The following UXS1 variants were observed in gnomAD, a reference collection of about 807,000 sequenced individuals.
UXS1 encodes UDP-glucuronate decarboxylase 1.
A neutral mutation model predicts 62.6 loss-of-function variants in UXS1; 33 were observed. The ratio of observed to expected loss-of-function variants is 0.53; its 90% confidence interval spans 0.40 to 0.70. The LOEUF (loss-of-function observed/expected upper bound fraction) is 0.70. Among genes scored for constraint, UXS1 ranks in the 30% least tolerant of loss-of-function variants. The pLI, the probability that UXS1 is intolerant of heterozygous loss-of-function variation, is 0.00. For missense variants in UXS1, 434 were observed against 556.3 expected (o/e 0.78, Z 2.21); for synonymous variants, 213 against 206.8 (o/e 1.03, Z -0.26).
intron 1 of UXS1, among the ~76,000 whole-genome samples, chr2:106,181,657 A>C (rs560470759): frequency 6.6e-6 from 1 of 152,192 alleles, no homozygotes; most frequent in South Asian, 2.1e-4. Flanking sequence ...GGCAGGTTGC[A>C]GTGAGCCAAT....
In UXS1 at chr2:106,101,099, C is replaced by A. The variant is rs771016006; in HGVS notation, c.943G>T (p.Val315Leu). 2 of 1,613,736 alleles carry A rather than the reference C, an allele frequency of 1.2e-6. No individual in the cohort carries two copies. The highest frequency in any genetic ancestry group is 2.2e-5 in the East Asian group (1 of 44,876). ...QYVSDLVNGL[V>L]ALMNSNVSSP... ...CTGACGTTGCTGTTCATGAGAGCCA[C>A]GAGGCCATTCACTAGATCGCTGGAA... The change falls in exon 12 of 15, where the codon GTG (valine) becomes TTG (leucine). Residue 315 changes from valine to leucine, a missense_variant. This residue lies in a region of UXS1 where 209 missense variants were observed against 233.3 expected (regional missense o/e 0.90). Transcript: ENST00000283148.
At chr2:106,115,595 A>C (rs1432099503) in intron 9 of UXS1, among the ~76,000 whole-genome samples, 1 of 152,138 alleles carries the variant, frequency 6.6e-6, no homozygotes, top group East Asian at 1.9e-4. Context: ...GAACCAATGG[A>C]AACTTAGGAT....
At chr2:106,143,535 C>T (rs1303098012) in intron 6 of UXS1, among the ~76,000 whole-genome samples, 1 of 149,276 alleles carries the variant, frequency 6.7e-6, no homozygotes, top group African/African-American at 2.5e-5. Context: ...TTTAGAGGCT[C>T]AAAAAATATC....
At chr2:106,130,017 C>T (rs1014099356) in intron 6 of UXS1, among the ~76,000 whole-genome samples, 2 of 152,082 alleles carry the variant, frequency 1.3e-5, no homozygotes, top group African/African-American at 4.8e-5. Flanking sequence ...TCTCGTGTAA[C>T]CAGAGTCAAT....
chr2:106,183,466 T>C (rs1684374047), intron 1 of UXS1: 1 of 152,272 alleles, frequency 6.6e-6, no homozygotes, highest in South Asian at 2.1e-4. Context: ...AAACGTTTTC[T>C]GCTGTTGCTT....
intron 10 of UXS1, among the ~76,000 whole-genome samples, chr2:106,110,083 A>T (rs992275209): frequency 3.9e-5 from 6 of 152,204 alleles, no homozygotes; most frequent in Admixed American, 2.0e-4. Flanking sequence ...TTGGACAGAA[A>T]AGAATGAAGT....
chr2:106,104,857 T>C lies in UXS1; in HGVS notation c.880-20A>G. ...GTATACCTGGAAGGAAACCAACAGTTAGGCCTCCTGATAAAACCACACCCG... is the reference window on the plus strand; with the variant it reads ...GTATACCTGGAAGGAAACCAACAGTCAGGCCTCCTGATAAAACCACACCCG... On this transcript the variant is annotated intron_variant, in intron 10 of 14. Coordinates refer to ENST00000283148, the MANE Select transcript of UXS1 (RefSeq NM_001253875.2). The C allele has an allele frequency of 1.9e-6, 3 of 1,613,928 alleles. No homozygotes were observed. The highest frequency in any genetic ancestry group is 1.7e-6 in the Non-Finnish European group (2 of 1,179,862).
At chr2:106,169,046 T>C (rs905139750) in intron 1 of UXS1, among the ~76,000 whole-genome samples, 2 of 152,200 alleles carry the variant, frequency 1.3e-5, no homozygotes, top group Admixed American at 6.5e-5. Context: ...AAACTCTATG[T>C]CCTTGTTGTC....
Position 106,131,060 on chromosome 2 carries a change from G to A in UXS1, c.473-1282C>T, listed in dbSNP as rs867078359. 6.2e-3 allele frequency among the ~76,000 whole-genome samples: 929 copies of A among 150,470 alleles called. 6 individuals are homozygous for A. Among genetic ancestry groups the A allele is most frequent in the African/African-American group, 0.021 (868 of 41,032 alleles). The stretch of plus-strand genomic sequence containing the variant: ...GCCAGTGTGTGCGCGCACCGTGCGC[G>A]AGCCGAAGCAGGGCGAGGCATTGCC... On this transcript the variant is annotated intron_variant, in intron 6 of 14. Coordinates refer to ENST00000283148, the MANE Select transcript of UXS1 (RefSeq NM_001253875.2).
chr2:106,161,116 A>G (rs977195514), intron 4 of UXS1, among the ~76,000 whole-genome samples: 2 of 115,358 alleles, frequency 1.7e-5, no homozygotes, highest in African/African-American at 6.6e-5. Flanking sequence ...GCTGGGCCAC[A>G]TGCTGAGCCA....
chr2:106,168,167 C>CA (rs1468543517), intron 1 of UXS1, among the ~76,000 whole-genome samples: 2 of 151,832 alleles, frequency 1.3e-5, no homozygotes, highest in African/African-American at 4.8e-5. Context: ...GTCTCAAGAA[C>CA]AAAAAAGATA....
chr2:106,122,165 C>A (rs530435472), intron 9 of UXS1, among the ~76,000 whole-genome samples: 1 of 152,328 alleles, frequency 6.6e-6, no homozygotes, highest in African/African-American at 2.4e-5. Flanking sequence ...CCTGGACCAA[C>A]GTTCCACAGC....
At chr2:106,120,987 C>T (rs966841066) in intron 9 of UXS1, among the ~76,000 whole-genome samples, 10 of 152,188 alleles carry the variant, frequency 6.6e-5, no homozygotes, top group Admixed American at 2.0e-4. Context: ...ACGCTGCCCA[C>T]GCCATTAAGC....
chr2:106,192,662 G>C (rs1416016275), intron 1 of UXS1, among the ~76,000 whole-genome samples: 1 of 152,050 alleles, frequency 6.6e-6, no homozygotes, highest in Non-Finnish European at 1.5e-5. Context: ...TGAAACTGCT[G>C]TTCGAAGACC....
At chr2:106,103,023 A>G (rs1489648464) in intron 11 of UXS1, 1 of 152,260 alleles carries the variant, frequency 6.6e-6, no homozygotes, top group Non-Finnish European at 1.5e-5. Context: ...CCCTCTTTTC[A>G]AGTAGTCAAG....
chr2:106,186,148 G>A (rs11124089), intron 1 of UXS1, among the ~76,000 whole-genome samples: 149,175 of 152,294 alleles, frequency 0.98, 73,120 homozygotes, highest in South Asian at 1. Flanking sequence ...GGCAAGGATC[G>A]TCAATGGACA....
At chr2:106,151,059 C>T (rs979250992) in intron 5 of UXS1, among the ~76,000 whole-genome samples, 1 of 152,180 alleles carries the variant, frequency 6.6e-6, no homozygotes, top group African/African-American at 2.4e-5. Flanking sequence ...GTTTATCCCA[C>T]GCCTGTTCCA....
intron 9 of UXS1, among the ~76,000 whole-genome samples, chr2:106,120,871 C>T (rs1487059796): frequency 6.6e-6 from 1 of 152,206 alleles, no homozygotes; most frequent in African/African-American, 2.4e-5. Context: ...GTGACAGGGA[C>T]ACCTTCCCGA....
At chr2:106,104,180 G>A (rs1451494385) in intron 11 of UXS1, among the ~76,000 whole-genome samples, 1 of 152,112 alleles carries the variant, frequency 6.6e-6, no homozygotes, top group Non-Finnish European at 1.5e-5. Flanking sequence ...GATGCACTTT[G>A]GCATACACAA....
Sources: allele counts gnomAD v4.1 joint callset (sites outside exome capture counted in the v4.1 genomes callset), GRCh38; gene constraint gnomAD v4.1.1; regional missense constraint gnomAD v4.1.1; transcripts MANE v1.5; gene names NCBI Gene and HGNC (gene_info 2026-07-23, HGNC 2026-07-21).